LAMP2: variants seen among roughly 807,000 people sequenced by gnomAD.
LAMP2 encodes the protein lysosome-associated membrane glycoprotein 2.
LAMP2 carries 4 observed loss-of-function variants against 25.6 expected under a neutral mutation model. That is an observed-to-expected ratio of 0.16 (90% CI 0.08 to 0.36). The LOEUF (loss-of-function observed/expected upper bound fraction) is 0.36. LAMP2 is among the 10% of genes least tolerant of loss of function. LAMP2 has a pLI of 1.00. For missense variants in LAMP2, 272 were observed against 301.4 expected, an observed-to-expected ratio of 0.90 and a Z score of 0.72; for synonymous variants, 108 against 112.7, an observed-to-expected ratio of 0.96 and a Z score of 0.27.
At chrX:120,452,622 C>T (rs1425851642) in intron 3 of LAMP2, among the ~76,000 whole-genome samples, 1 of 109,333 alleles carries the variant, frequency 9.1e-6, no homozygotes, top group Non-Finnish European at 1.9e-5. Flanking sequence ...GGGATCACAG[C>T]TCACTGGAGC....
chrX:120,465,204 T>C (rs1165101297), intron 1 of LAMP2, among the ~76,000 whole-genome samples: 1 of 110,060 alleles, frequency 9.1e-6, no homozygotes, highest in African/African-American at 3.3e-5. Flanking sequence ...AGGCATTCAG[T>C]AAACGTGTGG....
intron 8 of LAMP2, among the ~76,000 whole-genome samples, chrX:120,433,986 T>C (rs1009778158): frequency 8.9e-6 from 1 of 111,810 alleles, no homozygotes; most frequent in African/African-American, 3.3e-5. Flanking sequence ...AATTATTTGT[T>C]TTACTTGCTT....
Position 120,446,439 on chromosome X carries a change from GAAGA to G in LAMP2, c.742-16_742-13del, listed in dbSNP as rs1218935869. On this transcript the variant is annotated splice_polypyrimidine_tract_variant and intron_variant, in intron 5 of 8. Transcript: ENST00000200639. ...ATAACTGAAGCAACCTTCAGGAGAA[GAAGA>G]AAGGGAAAAGGTACAGGTTAGCTAT... 4 of 1,208,965 alleles carry G rather than the reference GAAGA, an allele frequency of 3.3e-6. No individual in the cohort carries two copies. The highest frequency in any genetic ancestry group is 4.5e-6 in the Non-Finnish European group (4 of 893,363).
intron 1 of LAMP2, among the ~76,000 whole-genome samples, chrX:120,463,853 T>TAGATC (rs1921425401): frequency 9.3e-6 from 1 of 107,754 alleles, no homozygotes; most frequent in African/African-American, 3.5e-5. Flanking sequence ...GATGTGATAA[T>TAGATC]CAATGACTAA....
chrX:120,438,156 C>T (rs914661553), intron 8 of LAMP2: 3 of 747,786 alleles, frequency 4.0e-6, no homozygotes, highest in African/African-American at 2.3e-5. Context: ...CACGCCCAGC[C>T]TAGATGCAAG....
Position 120,427,519 on chromosome X carries a change from C to G in LAMP2, c.*3804G>C. 9.0e-6 allele frequency among the ~76,000 whole-genome samples: 1 copy of G among 111,651 alleles called. No individual in the cohort carries two copies. The highest frequency in any genetic ancestry group is 9.6e-5 in the Admixed American group (1 of 10,467). ...GCATCTGACTGATGACATATCAGGG[C>G]CCACTAACCTCTAGAGTAAGCACTT... On this transcript the variant is annotated 3_prime_UTR_variant, in exon 9 of 9. Transcript: ENST00000200639.
intron 1 of LAMP2, among the ~76,000 whole-genome samples, chrX:120,464,773 C>T (rs56274454): frequency 0.42 from 46,122 of 110,411 alleles, 6,941 homozygotes; most frequent in Middle Eastern, 0.49. Flanking sequence ...TGTTTTGAGA[C>T]AGAGTTTTGC....
chrX:120,448,882 G>T, intron 4 of LAMP2, 88 bp downstream of exon 4: 1 of 836,011 alleles, frequency 1.2e-6, no homozygotes, highest in Non-Finnish European at 1.8e-6. Context: ...ATATATAAAT[G>T]CTTTCAGATA....
chrX:120,455,348 T>C lies in LAMP2; in HGVS notation c.397+9A>G. The C allele has an allele frequency of 8.6e-7, 1 of 1,165,343 alleles. No homozygotes were observed. The highest frequency in any genetic ancestry group is 1.8e-5 in the South Asian group (1 of 55,951). On this transcript the variant is annotated intron_variant, in intron 3 of 8. Coordinates refer to ENST00000200639, the MANE Select transcript of LAMP2 (RefSeq NM_002294.3). ...AGAGAACATAACACAAATCCATTCTTAAGGTTACCTTTATCTTCAGCATCA... is the reference window on the plus strand; with the variant it reads ...AGAGAACATAACACAAATCCATTCTCAAGGTTACCTTTATCTTCAGCATCA...
Position 120,428,913 on chromosome X carries a change from T to C in LAMP2, c.*2410A>G. On this transcript the variant is annotated 3_prime_UTR_variant, in exon 9 of 9. Coordinates refer to ENST00000200639, the MANE Select transcript of LAMP2 (RefSeq NM_002294.3). ...TTTAGGTTTGATTATCTAATGACAC[T>C]GGGTTAAGGAGCCATCATCTACACT... 1.3e-6 allele frequency: 1 copy of C among 752,394 alleles called. No individual in the cohort carries two copies. Among genetic ancestry groups the C allele is most frequent in the Non-Finnish European group, 1.6e-6 (1 of 638,339 alleles). 62.0% of individuals were successfully genotyped at this position (752,394 alleles called of 1,213,427 possible).
intron 3 of LAMP2, among the ~76,000 whole-genome samples, chrX:120,451,867 T>C (rs2058622646): frequency 8.9e-6 from 1 of 112,350 alleles, no homozygotes; most frequent in African/African-American, 3.2e-5. Context: ...AATATTATTA[T>C]ATAGAAGGTA....
At chrX:120,463,804 T>A (rs1921422335) in intron 1 of LAMP2, among the ~76,000 whole-genome samples, 1 of 107,077 alleles carries the variant, frequency 9.3e-6, no homozygotes, top group Non-Finnish European at 1.9e-5. Flanking sequence ...CAAACTAATC[T>A]GGTATTTGGG....
intron 6 of LAMP2, among the ~76,000 whole-genome samples, chrX:120,443,219 T>G (rs1283928949): frequency 9.0e-6 from 1 of 111,181 alleles, no homozygotes. Flanking sequence ...TGAGAAGTCA[T>G]GAAAATAGGA....
chrX:120,436,168 A>T (rs536499230), intron 8 of LAMP2, among the ~76,000 whole-genome samples: 95 of 79,705 alleles, frequency 1.2e-3, no homozygotes, highest in African/African-American at 3.9e-3. Flanking sequence ...ACACACACAC[A>T]CACTCTCTCT....
At position 120,449,037 on chromosome X, in the gene LAMP2, A is replaced by G; in HGVS notation, c.489T>C (p.Asp163=). Residue 163 remains aspartate (D), a synonymous_variant, in exon 4 of 9, where the codon GAT becomes GAC. Coordinates refer to ENST00000200639, the MANE Select transcript of LAMP2 (RefSeq NM_002294.3). ...GAACATCCCAGTAGTGTTGGACAAC[A>G]TCATTCTTTTCCAAAGTTGATAAAC... ...CNSLSTLEKN[D]VVQHYWDVLV... is the part of the protein sequence containing the mutation. 1 of 1,208,628 alleles carries G rather than the reference A, an allele frequency of 8.3e-7. No homozygotes were observed. The highest frequency in any genetic ancestry group is 1.1e-6 in the Non-Finnish European group (1 of 892,501).
rs1569364333 is a variant in LAMP2 at position 120,426,321 on chromosome X, T to C, written c.*5002A>G. On this transcript the variant is annotated 3_prime_UTR_variant, in exon 9 of 9. Transcript: ENST00000200639. ...AAGCATCAGTTCTTCCAAAGCAGCT[T>C]AGGTGAAAAACAATTGTTTACATTC... Among the ~76,000 whole-genome samples the C allele has an allele frequency of 9.4e-6, 1 of 106,138 alleles. No homozygotes were observed. Among genetic ancestry groups the C allele is most frequent in the African/African-American group, 3.4e-5 (1 of 29,014 alleles). 92.2% of individuals were successfully genotyped at this position (106,138 alleles called of 115,157 possible). A position where few individuals can be genotyped will look rare whatever the true frequency, so the allele number is the denominator to read the frequency against.
rs190102984 is a variant in LAMP2, at chrX:120,463,790, C to T, written c.64+5316G>A. Among the ~76,000 whole-genome samples, 169 of 110,244 alleles carry T rather than the reference C, an allele frequency of 1.5e-3. 7 individuals carry two copies. The highest frequency in any genetic ancestry group is 5.3e-3 in the African/African-American group (159 of 30,050). On this transcript the variant is annotated intron_variant, in intron 1 of 8. Coordinates refer to ENST00000200639, the MANE Select transcript of LAMP2 (RefSeq NM_002294.3). ...CCCTATCAGATATGATAATCAATGA[C>T]TAACAAACTAATCTGGTATTTGGGA... is the stretch of plus-strand genomic sequence containing the variant.
At chrX:120,452,454 T>G in intron 3 of LAMP2, among the ~76,000 whole-genome samples, 1 of 111,993 alleles carries the variant, frequency 8.9e-6, no homozygotes, top group East Asian at 2.8e-4. Context: ...TTCTCACTAC[T>G]CTAACACACA....
chrX:120,438,954 T>C, intron 8 of LAMP2: 1 of 1,028,607 alleles, frequency 9.7e-7, no homozygotes, highest in Non-Finnish European at 1.2e-6. Context: ...AAATAACAGT[T>C]TTAAATTCCT....
Sources: allele counts gnomAD v4.1 joint callset (sites outside exome capture counted in the v4.1 genomes callset), GRCh38; gene constraint gnomAD v4.1.1; transcripts MANE v1.5; gene names NCBI Gene and HGNC (gene_info 2026-07-23, HGNC 2026-07-21).